The following SNX18 variants were observed in gnomAD, a reference collection of about 807,000 sequenced individuals.
SNX18 encodes sorting nexin-18.
Under a neutral mutation model 48.7 loss-of-function variants are expected in SNX18, and 35 were observed. The ratio of observed to expected loss-of-function variants is 0.72; its 90% confidence interval spans 0.55 to 0.95. The LOEUF (loss-of-function observed/expected upper bound fraction) is 0.95, where lower values mean the gene tolerates loss of function less well. Ranked by LOEUF, SNX18 falls within the 40% of genes least tolerant of loss-of-function variation. The pLI, the probability that SNX18 is intolerant of heterozygous loss-of-function variation, is 0.00. For synonymous variants in SNX18, 492 were observed against 384.7 expected (o/e 1.28, Z -3.26); for missense variants, 824 against 871.0 (o/e 0.95, Z 0.68).
chr5:54,550,877 G>A (rs546895431), downstream of SNX18, among the ~76,000 whole-genome samples: 97 of 152,260 alleles, frequency 6.4e-4, no homozygotes, highest in African/African-American at 2.2e-3. Context: ...GAGTCACTGC[G>A]CCTGGCCTAT....
chr5:54,641,116 G>A, the SNX18 span, among the ~76,000 whole-genome samples: 1 of 152,034 alleles, frequency 6.6e-6, no homozygotes, highest in African/African-American at 2.4e-5. Flanking sequence ...AGCTTGACAT[G>A]GTCCCGTAAC....
At chr5:54,624,780 A>G in the SNX18 span, among the ~76,000 whole-genome samples, 123 of 152,342 alleles carry the variant, frequency 8.1e-4, 1 homozygote, top group African/African-American at 2.8e-3. Flanking sequence ...AGGCATCCAG[A>G]GCAGACAGGT....
chr5:54,642,297 T>G, the SNX18 span, among the ~76,000 whole-genome samples: 1 of 152,218 alleles, frequency 6.6e-6, no homozygotes, highest in Non-Finnish European at 1.5e-5. Context: ...TTTTTGTATA[T>G]TATCTCAGTG....
the SNX18 span, among the ~76,000 whole-genome samples, chr5:54,587,198 C>G: frequency 6.6e-6 from 1 of 152,086 alleles, no homozygotes; most frequent in Non-Finnish European, 1.5e-5. Flanking sequence ...TTTGAGTACC[C>G]TAGTCCATCC....
At chr5:54,618,888 C>T in the SNX18 span, among the ~76,000 whole-genome samples, 1 of 151,974 alleles carries the variant, frequency 6.6e-6, no homozygotes, top group Non-Finnish European at 1.5e-5. Context: ...GTTTTATACC[C>T]CCTGTTCTAT....
chr5:54,641,584 C>T, the SNX18 span, among the ~76,000 whole-genome samples: 2 of 152,012 alleles, frequency 1.3e-5, no homozygotes, highest in Admixed American at 6.6e-5. Context: ...GGGTTTTGAG[C>T]GTGCACTACA....
chr5:54,591,424 C>A, the SNX18 span, among the ~76,000 whole-genome samples: 1 of 152,162 alleles, frequency 6.6e-6, no homozygotes, highest in Non-Finnish European at 1.5e-5. Context: ...CTCCTTGGCC[C>A]AAACAATCCT....
At chr5:54,549,378 C>G (rs1417248686), downstream of SNX18, among the ~76,000 whole-genome samples, 5 of 152,174 alleles carry the variant, frequency 3.3e-5, no homozygotes, top group Non-Finnish European at 7.3e-5. Flanking sequence ...ACCTTCTGCC[C>G]ACTTTGCCCA....
chr5:54,566,917 C>T, the SNX18 span, among the ~76,000 whole-genome samples: 132 of 152,338 alleles, frequency 8.7e-4, no homozygotes, highest in African/African-American at 3.1e-3. Context: ...CTCCCCATCC[C>T]GACTTCAGAG....
At chr5:54,525,033 T>A (rs986060371) in intron 1 of SNX18, among the ~76,000 whole-genome samples, 1 of 152,176 alleles carries the variant, frequency 6.6e-6, no homozygotes, top group African/African-American at 2.4e-5. Context: ...CTCATCGCAG[T>A]GGGAGCTGGC....
the SNX18 span, among the ~76,000 whole-genome samples, chr5:54,593,993 G>A: frequency 2.7e-4 from 41 of 152,168 alleles, no homozygotes; most frequent in African/African-American, 9.6e-4. Context: ...GGCAACAGAG[G>A]CATGAGCTAT....
chr5:54,604,392 A>T, the SNX18 span, among the ~76,000 whole-genome samples: 2 of 152,244 alleles, frequency 1.3e-5, no homozygotes, highest in Non-Finnish European at 2.9e-5. Flanking sequence ...CGAATGGATA[A>T]ATGAAATGTG....
chr5:54,528,011 A>G (rs1013895826), intron 1 of SNX18, among the ~76,000 whole-genome samples: 10 of 152,140 alleles, frequency 6.6e-5, no homozygotes, highest in African/African-American at 1.9e-4. Flanking sequence ...ATGACTTTAC[A>G]TAATTCATTG....
At chr5:54,532,015 T>A (rs1420348948) in intron 1 of SNX18, among the ~76,000 whole-genome samples, 1 of 152,214 alleles carries the variant, frequency 6.6e-6, no homozygotes, top group Non-Finnish European at 1.5e-5. Flanking sequence ...ATAAGTGCCC[T>A]GGCTCTGCGT....
chr5:54,643,502 T>C, the SNX18 span: 1 of 152,222 alleles, frequency 6.6e-6, no homozygotes, highest in Non-Finnish European at 1.5e-5. Context: ...ATTACCTTTT[T>C]TAAAAAACGA....
chr5:54,630,310 T>C, the SNX18 span, among the ~76,000 whole-genome samples: 1 of 151,974 alleles, frequency 6.6e-6, no homozygotes. Flanking sequence ...AGAAATGGAG[T>C]AGACTTGTGT....
the SNX18 span, among the ~76,000 whole-genome samples, chr5:54,614,407 T>A: frequency 6.6e-6 from 1 of 152,240 alleles, no homozygotes; most frequent in Non-Finnish European, 1.5e-5. Flanking sequence ...GTAAGATTTA[T>A]GGAACAAGAT....
the SNX18 span, among the ~76,000 whole-genome samples, chr5:54,618,218 G>T: frequency 6.6e-6 from 1 of 152,206 alleles, no homozygotes. Flanking sequence ...GAAGAAGGAT[G>T]TGTTTGCTTC....
chr5:54,614,720 A>G, the SNX18 span, among the ~76,000 whole-genome samples: 2 of 152,172 alleles, frequency 1.3e-5, no homozygotes. Flanking sequence ...CTGGAGGCTG[A>G]GGTGGGAGGA....
Sources: allele counts gnomAD v4.1 joint callset (sites outside exome capture counted in the v4.1 genomes callset), GRCh38; gene constraint gnomAD v4.1.1; transcripts MANE v1.5; gene names NCBI Gene and HGNC (gene_info 2026-07-23, HGNC 2026-07-21).